CFAP70: variants seen among roughly 807,000 people sequenced by gnomAD.
CFAP70 encodes the protein cilia- and flagella-associated protein 70.
A neutral mutation model predicts 137.6 loss-of-function variants in CFAP70; 81 were observed. The observed-to-expected ratio is 0.59, with a 90% CI of 0.49 to 0.71. CFAP70 has a LOEUF of 0.71. Among genes scored for constraint, CFAP70 ranks in the 30% least tolerant of loss-of-function variants. CFAP70 has a pLI of 0.00. For missense variants in CFAP70, 976 were observed against 1,226.7 expected (o/e 0.80, Z 3.05); for synonymous variants, 382 against 423.6 (o/e 0.90, Z 1.20).
chr10:73,350,260 C>A lies in CFAP70; in HGVS notation c.251-1739G>T, dbSNP rs183532708. Among the ~76,000 whole-genome samples, 288 of 152,258 alleles carry A rather than the reference C, an allele frequency of 1.9e-3. 2 individuals are homozygous for A. The highest frequency in any genetic ancestry group is 6.5e-3 in the African/African-American group (272 of 41,560). On this transcript the variant is annotated intron_variant, in intron 3 of 26. Coordinates refer to ENST00000310715, the Ensembl canonical transcript of CFAP70. Reference sequence around the variant, plus strand: ...ATAGTATTTAATTTGTTTCTCAATTCCTGTGTTCCTACTTGGGTTCAGCTT... The same window carrying A: ...ATAGTATTTAATTTGTTTCTCAATTACTGTGTTCCTACTTGGGTTCAGCTT...
At position 73,351,009 on chromosome 10, in the gene CFAP70, ATG is replaced by A. The variant is rs765832968; in HGVS notation, c.251-2490_251-2489del. ...TATATATATGTGTGTATATGTGTGT[ATG>A]TGTGTGTATATATATGTGTATATGT... On this transcript the variant is annotated intron_variant, in intron 3 of 26. Transcript: ENST00000310715. Among the ~76,000 whole-genome samples, 82 of 99,960 alleles carry A rather than the reference ATG, an allele frequency of 8.2e-4. 1 individual carries two copies. Among genetic ancestry groups the A allele is most frequent in the Middle Eastern group, 5.6e-3 (1 of 180 alleles). 65.6% of individuals were successfully genotyped at this position (99,960 alleles called of 152,430 possible). A position where few individuals can be genotyped will look rare whatever the true frequency, so the allele number is the denominator to read the frequency against.
At chr10:73,319,990 T>G (rs914283998) in intron 9 of CFAP70, among the ~76,000 whole-genome samples, 1 of 152,196 alleles carries the variant, frequency 6.6e-6, no homozygotes, top group Non-Finnish European at 1.5e-5. Context: ...ACTACTATAT[T>G]TCAGGAATAG....
chr10:73,357,143 G>A (rs1312340700), intron 1 of CFAP70, among the ~76,000 whole-genome samples: 1 of 152,148 alleles, frequency 6.6e-6, no homozygotes, highest in African/African-American at 2.4e-5. Context: ...AATGAGAGAA[G>A]CAAGGAAATT....
At chr10:73,324,117 G>A (rs975875012) in intron 8 of CFAP70, among the ~76,000 whole-genome samples, 2 of 152,130 alleles carry the variant, frequency 1.3e-5, no homozygotes, top group Admixed American at 6.5e-5. Flanking sequence ...TCACACTGCC[G>A]GGTACTCCTC....
intron 12 of CFAP70, among the ~76,000 whole-genome samples, chr10:73,303,079 T>C (rs558701950): frequency 3.4e-4 from 52 of 152,102 alleles, no homozygotes; most frequent in African/African-American, 1.3e-3. Flanking sequence ...TTATTTTTAA[T>C]AGAGATGAGG....
At chr10:73,339,712 G>A (rs60860987) in intron 6 of CFAP70, among the ~76,000 whole-genome samples, 16,131 of 152,282 alleles carry the variant, frequency 0.11, 1,243 homozygotes, top group East Asian at 0.31. Flanking sequence ...AGCTCCCTGC[G>A]AGGCTGTGGC....
chr10:73,323,895 G>A (rs370953933), intron 8 of CFAP70, among the ~76,000 whole-genome samples: 2,572 of 152,346 alleles, frequency 0.017, 30 homozygotes, highest in Middle Eastern at 0.058. Context: ...ACCTCTGGGG[G>A]CAGGGGGCAG....
intron 12 of CFAP70, 83 bp from the exon 14 acceptor site, chr10:73,299,748 A>C: frequency 5.5e-6 from 6 of 1,100,734 alleles, no homozygotes; most frequent in South Asian, 1.5e-5. Context: ...CTTATCCTCA[A>C]AGTGTCTGGG....
intron 24 of CFAP70, 196 bp downstream of exon 25, chr10:73,272,732 T>C (rs897364773): frequency 1.5e-6 from 1 of 662,644 alleles, no homozygotes; most frequent in African/African-American, 1.8e-5. Flanking sequence ...TGGGATTTTT[T>C]AAAAAGATCT....
exon 15 of CFAP70, chr10:73,297,158 T>C (rs777269373): frequency 6.2e-7 from 1 of 1,613,140 alleles, no homozygotes; most frequent in Non-Finnish European, 8.5e-7. Context: ...TCTCTCACAA[T>C]CTTTACCACA....
chr10:73,291,709 G>T (rs1478284868), exon 18 of CFAP70: 1 of 1,614,106 alleles, frequency 6.2e-7, no homozygotes, highest in Non-Finnish European at 8.5e-7. Context: ...ATTTCTGCTT[G>T]CTCATAGTTC....
At position 73,345,905 on chromosome 10, in the gene CFAP70, TA is replaced by T. The variant is rs202143211; in HGVS notation, c.350-792del. 1.8e-4 allele frequency among the ~76,000 whole-genome samples: 28 copies of T among 151,868 alleles called. 1 individual carries two copies. Among genetic ancestry groups the T allele is most frequent in the East Asian group, 1.7e-3 (9 of 5,150 alleles). On this transcript the variant is annotated intron_variant, in intron 4 of 26. Coordinates refer to ENST00000310715, the Ensembl canonical transcript of CFAP70. Reference sequence around the variant, plus strand: ...ATTATTTTTGTCATTTTTTTAATTTTATTTTTTTTTTTGAGACAGAGTCTCC... The same window carrying T: ...ATTATTTTTGTCATTTTTTTAATTTTTTTTTTTTTTTGAGACAGAGTCTCC...
At chr10:73,319,236 G>A (rs2050654412) in intron 9 of CFAP70, among the ~76,000 whole-genome samples, 2 of 152,092 alleles carry the variant, frequency 1.3e-5, no homozygotes, top group East Asian at 3.9e-4. Flanking sequence ...CCACTGAAAG[G>A]ATCAGCCGGC....
At chr10:73,314,882 GGT>G (rs1302207992) in intron 9 of CFAP70, among the ~76,000 whole-genome samples, 13 of 151,364 alleles carry the variant, frequency 8.6e-5, no homozygotes, top group Admixed American at 8.5e-4. Context: ...TGGGATTACA[GGT>G]GTGAGCCACC....
rs551707557 is a variant in CFAP70 at position 73,316,487 on chromosome 10, G to GATATATAT, written c.913-3852_913-3845dup. The stretch of plus-strand genomic sequence containing the variant: ...AGATATATATATATATATAGATATA[G>GATATATAT]ATATATATATATATATATATATATA... On this transcript the variant is annotated intron_variant, in intron 9 of 26. Coordinates refer to ENST00000310715, the Ensembl canonical transcript of CFAP70. Among the ~76,000 whole-genome samples the GATATATAT allele has an allele frequency of 1.4e-3, 137 of 100,926 alleles. 1 individual carries two copies. Among genetic ancestry groups the GATATATAT allele is most frequent in the African/African-American group, 2.5e-3 (55 of 22,396 alleles). The allele number at this position is 100,926 out of a possible 152,430, so 66.2% of individuals were successfully genotyped here. A position where few individuals can be genotyped will look rare whatever the true frequency, so the allele number is the denominator to read the frequency against.
chr10:73,306,347 C>T (rs143461177), intron 12 of CFAP70, among the ~76,000 whole-genome samples: 42 of 152,194 alleles, frequency 2.8e-4, no homozygotes, highest in African/African-American at 9.1e-4. Context: ...ATCCAAGAAA[C>T]TTAATAAACT....
intron 9 of CFAP70, among the ~76,000 whole-genome samples, chr10:73,321,019 C>T (rs1334532272): frequency 1.3e-5 from 2 of 152,132 alleles, no homozygotes. Flanking sequence ...ACTAAGCCTT[C>T]CTCTATTAGT....
intron 4 of CFAP70, among the ~76,000 whole-genome samples, chr10:73,345,679 C>T (rs2053639283): frequency 6.6e-6 from 1 of 151,826 alleles, no homozygotes; most frequent in Admixed American, 6.6e-5. Context: ...GTGGTGCGCG[C>T]CTGTAGTCCC....
chr10:73,276,115 T>TTTC lies in CFAP70; in HGVS notation c.2521-518_2521-517insGAA, dbSNP rs1176874730. 2.6e-5 allele frequency: 4 copies of TTTC among 151,994 alleles called. No individual in the cohort carries two copies. The South Asian group carries it at 8.3e-4, about 32-fold the overall frequency. 9.4% of individuals were successfully genotyped at this position (151,994 alleles called of 1,614,324 possible). ...CAATTTTTGTATTTTGTTTTTTTTT[T>TTTC]TTTCTTTTTTTAGAGACAGGGTCTT... On this transcript the variant is annotated intron_variant, in intron 21 of 26. Coordinates refer to ENST00000310715, the Ensembl canonical transcript of CFAP70.
Sources: allele counts gnomAD v4.1 joint callset (sites outside exome capture counted in the v4.1 genomes callset), GRCh38; gene constraint gnomAD v4.1.1; transcripts MANE v1.5; gene names NCBI Gene and HGNC (gene_info 2026-07-23, HGNC 2026-07-21).